Variants in DCC observed in about 807,000 individuals in gnomAD.
DCC encodes the protein DCC netrin 1 receptor.
A neutral mutation model predicts 172.5 loss-of-function variants in DCC; 58 were observed. The observed-to-expected ratio is 0.34, with a 90% CI of 0.27 to 0.42. DCC has a LOEUF of 0.42. Among genes scored for constraint, DCC ranks in the 10% least tolerant of loss-of-function variants. The probability of loss-of-function intolerance (pLI) is 1.00; values close to 1 mark genes in which losing one functional copy is unlikely to be tolerated. For missense variants in DCC, 1,740 were observed against 1,791.0 expected (o/e 0.97, Z 0.51); for synonymous variants, 709 against 644.5 (o/e 1.10, Z -1.52).
chr18:52,365,072 T>G (rs1043481968), intron 1 of DCC, among the ~76,000 whole-genome samples: 1 of 152,108 alleles, frequency 6.6e-6, no homozygotes, highest in African/African-American at 2.4e-5. Context: ...ATAAATTGAG[T>G]TGGAAAATAT....
intron 1 of DCC, among the ~76,000 whole-genome samples, chr18:52,575,598 A>C (rs780823711): frequency 6.6e-6 from 1 of 152,056 alleles, no homozygotes; most frequent in Non-Finnish European, 1.5e-5. Flanking sequence ...TTAGTTTCTT[A>C]GTTGTTTTTT....
At chr18:52,775,584 G>C (rs2037415569) in intron 2 of DCC, among the ~76,000 whole-genome samples, 1 of 152,218 alleles carries the variant, frequency 6.6e-6, no homozygotes, top group South Asian at 2.1e-4. Flanking sequence ...GGTGGCCCCA[G>C]CTTTCCTCCA....
intron 7 of DCC, among the ~76,000 whole-genome samples, chr18:53,150,338 T>A (rs2043979693): frequency 6.6e-6 from 1 of 152,228 alleles, no homozygotes; most frequent in Non-Finnish European, 1.5e-5. Flanking sequence ...AAAAGGAGTG[T>A]TCCAGCCAAA....
At chr18:53,042,685 G>A (rs1379781437) in intron 5 of DCC, among the ~76,000 whole-genome samples, 1 of 151,972 alleles carries the variant, frequency 6.6e-6, no homozygotes, top group Non-Finnish European at 1.5e-5. Flanking sequence ...AGACATTTAT[G>A]CAGCCAACAA....
At chr18:52,877,120 G>A (rs1343646520) in intron 2 of DCC, among the ~76,000 whole-genome samples, 1 of 152,160 alleles carries the variant, frequency 6.6e-6, no homozygotes, top group Non-Finnish European at 1.5e-5. Flanking sequence ...GGAAACAAAT[G>A]CCTTGGTGTG....
At chr18:52,557,654 T>C (rs1483311076) in intron 1 of DCC, among the ~76,000 whole-genome samples, 1 of 152,186 alleles carries the variant, frequency 6.6e-6, no homozygotes, top group Non-Finnish European at 1.5e-5. Flanking sequence ...AAATTAAATT[T>C]TCAAAACTAA....
chr18:52,950,969 A>AAAAAAAAAAAC (rs2040637148), intron 5 of DCC, among the ~76,000 whole-genome samples: 2 of 131,242 alleles, frequency 1.5e-5, no homozygotes, highest in African/African-American at 2.9e-5. Flanking sequence ...AAAAAAAAAA[A>AAAAAAAAAAAC]AAGTCTGAAT....
chr18:52,721,471 A>C (rs764415377), intron 1 of DCC, among the ~76,000 whole-genome samples: 22 of 152,330 alleles, frequency 1.4e-4, no homozygotes, highest in African/African-American at 5.0e-4. Context: ...TGACTTTATC[A>C]ACTAGGCACT....
chr18:52,585,875 T>A (rs577918663), intron 1 of DCC, among the ~76,000 whole-genome samples: 1 of 151,962 alleles, frequency 6.6e-6, no homozygotes, highest in Admixed American at 6.6e-5. Flanking sequence ...CGAGGTTAGG[T>A]GATCAAGACC....
rs529331676 is a variant in DCC, at chr18:53,524,138, TTC to T, written c.4112-2476_4112-2475del. ...AATTGCTGAGAATTGATTGAAAGTG[TTC>T]TCAACACAAAACATAAGTATGTGAA... On this transcript the variant is annotated intron_variant, in intron 27 of 28. Transcript: ENST00000442544. Among the ~76,000 whole-genome samples, 22 of 152,174 alleles carry T rather than the reference TTC, an allele frequency of 1.4e-4. No homozygotes were observed. The East Asian group carries it at 4.3e-3, about 29-fold the overall frequency.
intron 15 of DCC, among the ~76,000 whole-genome samples, chr18:53,369,500 C>G (rs2058039109): frequency 6.6e-6 from 1 of 151,810 alleles, no homozygotes; most frequent in African/African-American, 2.4e-5. Flanking sequence ...ATTGCTCTGA[C>G]TAAAACTTTC....
intron 6 of DCC, among the ~76,000 whole-genome samples, chr18:53,065,316 G>A (rs1186692546): frequency 5.9e-5 from 9 of 151,930 alleles, no homozygotes; most frequent in African/African-American, 9.7e-5. Context: ...CACTAATATC[G>A]AAGATAAACT....
At chr18:52,343,256 C>T (rs771616959) in intron 1 of DCC, among the ~76,000 whole-genome samples, 12 of 152,156 alleles carry the variant, frequency 7.9e-5, no homozygotes, top group African/African-American at 2.4e-4. Flanking sequence ...AAACTTACAA[C>T]GAGAAAGCAT....
At chr18:53,508,772 A>C (rs1235461876) in intron 27 of DCC, among the ~76,000 whole-genome samples, 4 of 152,218 alleles carry the variant, frequency 2.6e-5, no homozygotes, top group Non-Finnish European at 5.9e-5. Flanking sequence ...AGAGGAGGTC[A>C]GAGCAACTGC....
intron 7 of DCC, among the ~76,000 whole-genome samples, chr18:53,097,714 T>C (rs1372191173): frequency 6.6e-6 from 1 of 152,156 alleles, no homozygotes; most frequent in Non-Finnish European, 1.5e-5. Context: ...ATGATTAATA[T>C]GCAGGCAAAT....
intron 1 of DCC, among the ~76,000 whole-genome samples, chr18:52,643,824 G>C (rs553060471): frequency 4.6e-5 from 7 of 152,192 alleles, no homozygotes; most frequent in Non-Finnish European, 1.0e-4. Flanking sequence ...AGCCCTCCTT[G>C]CCAGGATAAA....
chr18:53,187,489 C>T (rs755578428), intron 9 of DCC, among the ~76,000 whole-genome samples: 3 of 151,970 alleles, frequency 2.0e-5, no homozygotes, highest in Non-Finnish European at 4.4e-5. Flanking sequence ...CATAATCTAA[C>T]GCAGATATAA....
At chr18:52,487,849 C>T (rs949758562) in intron 1 of DCC, among the ~76,000 whole-genome samples, 8 of 143,984 alleles carry the variant, frequency 5.6e-5, no homozygotes, top group African/African-American at 2.0e-4. Flanking sequence ...GGAGGAAGCA[C>T]ACTAATGCCC....
intron 7 of DCC, among the ~76,000 whole-genome samples, chr18:53,087,573 G>A (rs1351015660): frequency 6.6e-6 from 1 of 152,134 alleles, no homozygotes; most frequent in Admixed American, 6.5e-5. Context: ...TCTGATGGTA[G>A]TTTCTTTTGC....
Sources: allele counts gnomAD v4.1 joint callset (sites outside exome capture counted in the v4.1 genomes callset), GRCh38; gene constraint gnomAD v4.1.1; transcripts MANE v1.5; gene names NCBI Gene and HGNC (gene_info 2026-07-23, HGNC 2026-07-21).